NFASC: variants seen among roughly 807,000 people sequenced by gnomAD.
NFASC encodes neurofascin.
In NFASC, 43 loss-of-function variants were observed where a neutral mutation model predicts 147.5. The observed-to-expected ratio is 0.29, with a 90% CI of 0.23 to 0.38. The LOEUF (loss-of-function observed/expected upper bound fraction) is 0.38, where lower values mean the gene tolerates loss of function less well. Ranked by LOEUF, NFASC falls within the 10% of genes least tolerant of loss-of-function variation. The probability of loss-of-function intolerance (pLI) is 1.00; values close to 1 mark genes in which losing one functional copy is unlikely to be tolerated. For synonymous variants in NFASC, 622 were observed against 665.5 expected (o/e 0.93, Z 1.01); for missense variants, 1,320 against 1,689.0 (o/e 0.78, Z 3.83).
intron 2 of NFASC, among the ~76,000 whole-genome samples, chr1:204,941,430 A>C (rs1031557622): frequency 6.6e-6 from 1 of 152,226 alleles, no homozygotes; most frequent in African/African-American, 2.4e-5. Context: ...GATTTAATGA[A>C]TAGCTTCTGG....
At chr1:204,973,144 C>G in intron 11 of NFASC, 132 bp from the exon 12 acceptor site, 6 of 896,928 alleles carry the variant, frequency 6.7e-6, no homozygotes, top group Non-Finnish European at 1.1e-5. Context: ...GCCAGAAGCC[C>G]TGTCATCTGG....
At chr1:204,852,213 G>A (rs1345873716) in intron 1 of NFASC, among the ~76,000 whole-genome samples, 1 of 152,118 alleles carries the variant, frequency 6.6e-6, no homozygotes, top group African/African-American at 2.4e-5. Context: ...AGAAAGTGGA[G>A]TAAGGCTTGG....
chr1:204,933,996 G>C (rs2092604257), intron 2 of NFASC, among the ~76,000 whole-genome samples: 1 of 152,040 alleles, frequency 6.6e-6, no homozygotes, highest in Admixed American at 6.6e-5. Flanking sequence ...AAATTAGCTG[G>C]GCGTGGTGGC....
chr1:204,967,246 A>G (rs2095005010), intron 8 of NFASC, among the ~76,000 whole-genome samples: 1 of 152,100 alleles, frequency 6.6e-6, no homozygotes, highest in South Asian at 2.1e-4. Flanking sequence ...TACTTCCTCC[A>G]GTTTCCCTTT....
At chr1:204,850,196 T>C (rs192029703) in intron 1 of NFASC, among the ~76,000 whole-genome samples, 22 of 152,340 alleles carry the variant, frequency 1.4e-4, no homozygotes, top group Admixed American at 1.0e-3. Flanking sequence ...AGTGAAGTGA[T>C]GGTGAACAGA....
intron 28 of NFASC, 162 bp downstream of exon 28, chr1:205,009,850 A>G: frequency 2.6e-6 from 2 of 767,240 alleles, no homozygotes; most frequent in Non-Finnish European, 4.2e-6. Context: ...TCAGACTGCC[A>G]GCGAGCACTT....
At chr1:204,946,602 G>A (rs558685710) in intron 3 of NFASC, 2 of 473,416 alleles carry the variant, frequency 4.2e-6, no homozygotes, top group South Asian at 1.5e-5. Flanking sequence ...CAGGGGATGA[G>A]GGGGCAGGTC....
intron 1 of NFASC, among the ~76,000 whole-genome samples, chr1:204,898,204 G>A (rs193239452): frequency 2.6e-5 from 4 of 152,286 alleles, no homozygotes; most frequent in East Asian, 3.9e-4. Context: ...TTTCTGAACC[G>A]CTGCATTAAG....
chr1:204,830,656 A>C (rs1313876464), intron 1 of NFASC, among the ~76,000 whole-genome samples: 1 of 138,754 alleles, frequency 7.2e-6, no homozygotes, highest in Non-Finnish European at 1.5e-5. Context: ...TGATGTGTGT[A>C]TAGAGAGAGA....
At chr1:204,891,897 G>A (rs762264462) in intron 1 of NFASC, among the ~76,000 whole-genome samples, 4 of 152,108 alleles carry the variant, frequency 2.6e-5, no homozygotes, top group African/African-American at 9.7e-5. Flanking sequence ...CAAAACTTAC[G>A]GCCAAACTAA....
chr1:204,858,853 G>C (rs961236860), intron 1 of NFASC, among the ~76,000 whole-genome samples: 1 of 152,108 alleles, frequency 6.6e-6, no homozygotes, highest in Non-Finnish European at 1.5e-5. Flanking sequence ...CCAGTGAGGG[G>C]CCATCTCACT....
chr1:204,981,325 T>G (rs1337942277), intron 20 of NFASC, among the ~76,000 whole-genome samples: 1 of 152,236 alleles, frequency 6.6e-6, no homozygotes, highest in African/African-American at 2.4e-5. Flanking sequence ...TCTGACCTCT[T>G]GGGAAGGACA....
At chr1:204,913,851 C>T (rs1312371199) in intron 1 of NFASC, among the ~76,000 whole-genome samples, 1 of 150,864 alleles carries the variant, frequency 6.6e-6, no homozygotes. Flanking sequence ...CATGATCATG[C>T]CACTGCACTC....
intron 2 of NFASC, among the ~76,000 whole-genome samples, chr1:204,924,339 G>A (rs1476575920): frequency 6.6e-6 from 1 of 152,232 alleles, no homozygotes; most frequent in Non-Finnish European, 1.5e-5. Context: ...TGCTGTCTTA[G>A]TTCTTTCCTC....
chr1:204,832,162 G>T (rs1672391402), intron 1 of NFASC, among the ~76,000 whole-genome samples: 2 of 149,134 alleles, frequency 1.3e-5, no homozygotes, highest in East Asian at 4.2e-4. Context: ...TGTGAACAAG[G>T]TGAACCCGGC....
At position 204,898,179 on chromosome 1, in the gene NFASC, C is replaced by T. The variant is rs558777824; in HGVS notation, c.-199-22453C>T. Among the ~76,000 whole-genome samples, 30 of 152,294 alleles carry T rather than the reference C, an allele frequency of 2.0e-4. No homozygotes were observed. The South Asian group carries it at 5.8e-3, about 29-fold the overall frequency. The stretch of plus-strand genomic sequence containing the variant: ...ATTACAAGTGTTGAGCTACTGTGCC[C>T]GGCCTAAAGCCCATTTTCTGAACCG... On this transcript the variant is annotated intron_variant, in intron 1 of 29. Coordinates refer to ENST00000339876, the MANE Select transcript of NFASC (RefSeq NM_001005388.3).
chr1:204,899,372 A>T (rs1040038384), intron 1 of NFASC, among the ~76,000 whole-genome samples: 7 of 152,018 alleles, frequency 4.6e-5, no homozygotes, highest in African/African-American at 1.7e-4. Context: ...TAGCCCTGGC[A>T]AGAGAGGAGA....
chr1:204,924,865 AT>A (rs1195994559), intron 2 of NFASC, among the ~76,000 whole-genome samples: 1 of 152,064 alleles, frequency 6.6e-6, no homozygotes, highest in Non-Finnish European at 1.5e-5. Flanking sequence ...CCAATCGTTT[AT>A]TTTGTTTGCT....
chr1:205,013,926 A>G (rs1243619826), intron 29 of NFASC, among the ~76,000 whole-genome samples: 1 of 152,214 alleles, frequency 6.6e-6, no homozygotes, highest in African/African-American at 2.4e-5. Context: ...CTTATGGGCC[A>G]TGACTGTCCA....
Sources: allele counts gnomAD v4.1 joint callset (sites outside exome capture counted in the v4.1 genomes callset), GRCh38; gene constraint gnomAD v4.1.1; transcripts MANE v1.5; gene names NCBI Gene and HGNC (gene_info 2026-07-23, HGNC 2026-07-21).